Variants in HTR1F observed in about 807,000 individuals in gnomAD.
HTR1F encodes 5-hydroxytryptamine (serotonin) receptor 1F, G protein-coupled.
Under a neutral mutation model 24.0 loss-of-function variants are expected in HTR1F, and 17 were observed. The ratio of observed to expected loss-of-function variants is 0.71; its 90% CI spans 0.48 to 1.06. HTR1F has a LOEUF of 1.06. Ranked by LOEUF, HTR1F falls within the 50% of genes least tolerant of loss-of-function variation. HTR1F has a pLI of 0.00. For missense variants in HTR1F, 391 were observed against 427.8 expected, an observed-to-expected ratio of 0.91 and a Z score of 0.76; for synonymous variants, 186 against 156.8, an observed-to-expected ratio of 1.19 and a Z score of -1.39.
chr3:87,856,179 C>G (rs1234184618), intron 2 of HTR1F, among the ~76,000 whole-genome samples: 1 of 151,546 alleles, frequency 6.6e-6, no homozygotes, highest in Admixed American at 6.6e-5. Flanking sequence ...CTTACTGGTC[C>G]TAATTTATAA....
intron 2 of HTR1F, among the ~76,000 whole-genome samples, chr3:87,986,859 C>T (rs772545206): frequency 2.0e-5 from 3 of 152,172 alleles, no homozygotes; most frequent in Non-Finnish European, 4.4e-5. Context: ...AATCCCAGCA[C>T]GTTGGGAGGC....
At chr3:87,874,646 C>A (rs1386482952) in intron 2 of HTR1F, among the ~76,000 whole-genome samples, 5 of 149,310 alleles carry the variant, frequency 3.3e-5, no homozygotes, top group South Asian at 2.1e-4. Context: ...AAAAAAAAAA[C>A]CCTAAAATTA....
At chr3:87,901,712 GAA>G (rs199987641) in intron 2 of HTR1F, among the ~76,000 whole-genome samples, 1 of 147,616 alleles carries the variant, frequency 6.8e-6, no homozygotes, top group Non-Finnish European at 1.5e-5. Context: ...CACCAAAAAT[GAA>G]AAAAAAATGG....
At chr3:87,819,629 G>A (rs530939649) in intron 1 of HTR1F, among the ~76,000 whole-genome samples, 2 of 152,036 alleles carry the variant, frequency 1.3e-5, no homozygotes, top group South Asian at 4.2e-4. Context: ...AATTCAGCAA[G>A]TTGTATAAAG....
chr3:87,845,490 C>A (rs1704920140), intron 2 of HTR1F, among the ~76,000 whole-genome samples: 1 of 148,620 alleles, frequency 6.7e-6, no homozygotes, highest in African/African-American at 2.5e-5. Flanking sequence ...ACAATTGCTT[C>A]AAAGAGAATA....
At chr3:87,975,930 C>T (rs370721795) in intron 2 of HTR1F, among the ~76,000 whole-genome samples, 1 of 152,196 alleles carries the variant, frequency 6.6e-6, no homozygotes, top group African/African-American at 2.4e-5. Context: ...CCAATTTCAA[C>T]TGACAGCAAT....
chr3:87,943,420 G>A (rs1351981176), intron 2 of HTR1F, among the ~76,000 whole-genome samples: 3 of 152,112 alleles, frequency 2.0e-5, no homozygotes, highest in East Asian at 1.9e-4. Flanking sequence ...CTTTAAGTTC[G>A]AGAGAGAAAA....
intron 2 of HTR1F, among the ~76,000 whole-genome samples, chr3:87,960,035 T>C (rs1705027486): frequency 6.6e-6 from 1 of 152,022 alleles, no homozygotes; most frequent in Non-Finnish European, 1.5e-5. Context: ...ATTCTCATCT[T>C]GATCCTTAAA....
intron 2 of HTR1F, among the ~76,000 whole-genome samples, chr3:87,827,715 A>G (rs1575915507): frequency 6.6e-6 from 1 of 152,234 alleles, no homozygotes; most frequent in Non-Finnish European, 1.5e-5. Context: ...TTCACATTCT[A>G]TTCGTAAGTT....
At chr3:87,970,720 A>G (rs1946569) in intron 2 of HTR1F, among the ~76,000 whole-genome samples, 87,948 of 152,012 alleles carry the variant, frequency 0.58, 25,784 homozygotes, top group South Asian at 0.71. Context: ...CTTATAATCT[A>G]AACTTATTTC....
intron 2 of HTR1F, among the ~76,000 whole-genome samples, chr3:87,981,459 T>C (rs1705542333): frequency 6.6e-6 from 1 of 152,190 alleles, no homozygotes; most frequent in East Asian, 1.9e-4. Flanking sequence ...CCTCCCAAAG[T>C]GCTAGGATTA....
Position 87,986,976 on chromosome 3 carries a change from C to A in HTR1F, c.-42-3732C>A, listed in dbSNP as rs116197764. ...AGAAAATTAGCCGGGTGTGGTGACA[C>A]GTGCCTGTAATTCCAGCTACTTGGG... On this transcript the variant is annotated intron_variant, in intron 2 of 2. Transcript: ENST00000319595. Among the ~76,000 whole-genome samples the A allele has an allele frequency of 7.1e-3, 1,082 of 151,994 alleles. 14 individuals carry two copies. Among genetic ancestry groups the A allele is most frequent in the African/African-American group, 0.024 (1,011 of 41,460 alleles).
chr3:87,856,133 C>T (rs1349557103), intron 2 of HTR1F, among the ~76,000 whole-genome samples: 1 of 151,928 alleles, frequency 6.6e-6, no homozygotes, highest in African/African-American at 2.4e-5. Flanking sequence ...TATATTGTTA[C>T]AATTTTTCAA....
At chr3:87,818,047 A>G (rs1269395665) in intron 1 of HTR1F, among the ~76,000 whole-genome samples, 1 of 152,208 alleles carries the variant, frequency 6.6e-6, no homozygotes, top group African/African-American at 2.4e-5. Flanking sequence ...TGGTTGTTTT[A>G]ATGAATTATA....
At chr3:87,912,042 C>T (rs900417181) in intron 2 of HTR1F, among the ~76,000 whole-genome samples, 6 of 152,152 alleles carry the variant, frequency 3.9e-5, no homozygotes, top group African/African-American at 1.4e-4. Flanking sequence ...TCCTATTCAA[C>T]ATAGTATTGT....
intron 2 of HTR1F, among the ~76,000 whole-genome samples, chr3:87,983,882 G>C (rs1419141947): frequency 1.3e-5 from 2 of 151,988 alleles, no homozygotes; most frequent in Non-Finnish European, 2.9e-5. Flanking sequence ...CTTTTCCCTG[G>C]AGCAGCAGCA....
chr3:87,913,414 A>G (rs948102410), intron 2 of HTR1F, among the ~76,000 whole-genome samples: 4 of 152,180 alleles, frequency 2.6e-5, no homozygotes, highest in African/African-American at 9.6e-5. Flanking sequence ...CAGAATGGCT[A>G]TTAATAAAAA....
chr3:87,950,977 C>G (rs532759185), intron 2 of HTR1F, among the ~76,000 whole-genome samples: 57 of 152,226 alleles, frequency 3.7e-4, no homozygotes, highest in African/African-American at 1.3e-3. Context: ...TCTGTCCTTC[C>G]TGGCCCTATT....
intron 2 of HTR1F, among the ~76,000 whole-genome samples, chr3:87,936,664 G>A (rs1704427518): frequency 6.6e-6 from 1 of 152,090 alleles, no homozygotes; most frequent in Non-Finnish European, 1.5e-5. Context: ...GAACTTTGGA[G>A]CACAACAATC....
Sources: gnomAD v4.1 joint callset for allele counts (sites outside exome capture counted in the v4.1 genomes callset) on GRCh38, gnomAD v4.1.1 for gene constraint, MANE v1.5 for transcripts, NCBI Gene and HGNC (gene_info 2026-07-23, HGNC 2026-07-21) for gene names.